TRMU: variants seen among roughly 807,000 people sequenced by gnomAD.
TRMU encodes the protein tRNA mitochondrial 2-thiouridylase.
A neutral mutation model predicts 46.9 loss-of-function variants in TRMU; 49 were observed. That is an observed-to-expected ratio of 1.05 (90% CI 0.83 to 1.33). The LOEUF (loss-of-function observed/expected upper bound fraction) is 1.33, where lower values mean the gene tolerates loss of function less well. TRMU is among the 40% of genes most tolerant of loss of function. The pLI, the probability that TRMU is intolerant of heterozygous loss-of-function variation, is 0.00. For missense variants in TRMU, 572 were observed against 532.4 expected (o/e 1.07, Z -0.73); for synonymous variants, 241 against 200.9 (o/e 1.20, Z -1.69).
chr22:46,337,486 A>G (rs976486830), intron 1 of TRMU, among the ~76,000 whole-genome samples: 6 of 152,206 alleles, frequency 3.9e-5, no homozygotes, highest in African/African-American at 1.2e-4. Flanking sequence ...AGTTTCGACT[A>G]TTCCTTCGTG....
At chr22:46,346,060 C>T (rs533999284) in intron 3 of TRMU, among the ~76,000 whole-genome samples, 9 of 152,248 alleles carry the variant, frequency 5.9e-5, no homozygotes, top group East Asian at 3.9e-4. Context: ...CATGAGCCAC[C>T]GCGCCTGGCC....
In TRMU at chr22:46,337,755, TTTAA is replaced by T; in HGVS notation, c.83-21_83-18del. 1.7e-5 allele frequency: 28 copies of T among 1,614,138 alleles called. No homozygotes were observed. The highest frequency in any genetic ancestry group is 2.3e-5 in the Non-Finnish European group (27 of 1,179,996). On this transcript the variant is annotated intron_variant, in intron 1 of 10. Transcript: ENST00000645190. ...ACCGAAGGTTGATTTATGTATTCTCTTTAATTGACCTTCCCGCCCGCAGGTTACC... is the reference window on the plus strand; with the variant it reads ...ACCGAAGGTTGATTTATGTATTCTCTTTGACCTTCCCGCCCGCAGGTTACC...
In TRMU at chr22:46,336,890, C is replaced by T. The variant is rs927918437; in HGVS notation, c.83-889C>T. On this transcript the variant is annotated intron_variant, in intron 1 of 10. Coordinates refer to ENST00000645190, the MANE Select transcript of TRMU (RefSeq NM_018006.5). The surrounding 1 kb of genome is among the most constrained non-coding windows in gnomAD (Gnocchi z 4.1). ...GACTTGGAGGTGGAGGCGGCCCTCCCGGCACAGTCAGCAGTGCAAGCAGAA... is the reference window on the plus strand; with the variant it reads ...GACTTGGAGGTGGAGGCGGCCCTCCTGGCACAGTCAGCAGTGCAAGCAGAA... Among the ~76,000 whole-genome samples, 2 of 152,008 alleles carry T rather than the reference C, an allele frequency of 1.3e-5. No individual in the cohort carries two copies. The highest frequency in any genetic ancestry group is 3.9e-4 in the East Asian group (2 of 5,182).
rs564049111 is a variant in TRMU at position 46,342,540 on chromosome 22, G to A, written c.249-722G>A. Among the ~76,000 whole-genome samples the A allele has an allele frequency of 6.6e-6, 1 of 152,352 alleles. No homozygotes were observed. The highest frequency in any genetic ancestry group is 1.5e-5 in the Non-Finnish European group (1 of 68,038). ...TCTGGGGAGGGTCTTAAGACCCACA[G>A]TCAGAAAGGTAGACGCTTGTAATCC... is the stretch of plus-strand genomic sequence containing the variant. On this transcript the variant is annotated intron_variant, in intron 2 of 10. Coordinates refer to ENST00000645190, the MANE Select transcript of TRMU (RefSeq NM_018006.5). The surrounding 1 kb of genome is among the most constrained non-coding windows in gnomAD (Gnocchi z 4.7).
At chr22:46,341,670 G>T (rs12157372) in intron 2 of TRMU, among the ~76,000 whole-genome samples, 8,800 of 152,036 alleles carry the variant, frequency 0.058, 851 homozygotes, top group African/African-American at 0.2. Flanking sequence ...CCCAAAATAG[G>T]CATCATAACC....
At position 46,350,954 on chromosome 22, in the gene TRMU, A is replaced by G. The variant is rs890083325; in HGVS notation, c.651+491A>G. On this transcript the variant is annotated intron_variant, in intron 5 of 10. Coordinates refer to ENST00000645190, the MANE Select transcript of TRMU (RefSeq NM_018006.5). The surrounding 1 kb of genome is among the most constrained non-coding windows in gnomAD (Gnocchi z 4.6). ...CGCACACAGTTCCATCTTCGCCTCC[A>G]TGGAGCCCGCCCGCGAGTGGGGGAC... Among the ~76,000 whole-genome samples the G allele has an allele frequency of 2.0e-5, 3 of 152,192 alleles. No individual in the cohort carries two copies. Among genetic ancestry groups the G allele is most frequent in the Non-Finnish European group, 2.9e-5 (2 of 68,032 alleles).
At chr22:46,341,107 C>G (rs1453195591) in intron 2 of TRMU, among the ~76,000 whole-genome samples, 3 of 152,252 alleles carry the variant, frequency 2.0e-5, no homozygotes, top group African/African-American at 7.2e-5. Flanking sequence ...CCTCCCGAGG[C>G]ACATGAAAGG....
At chr22:46,335,968 CAGG>C (rs2077963786) in intron 1 of TRMU, 122 bp downstream of exon 1, 23 of 1,479,532 alleles carry the variant, frequency 1.6e-5, no homozygotes, top group Admixed American at 2.1e-5. Flanking sequence ...CGCGGGTCGG[CAGG>C]AGGATACCCC....
rs2078016326 is a variant in TRMU at position 46,337,769 on chromosome 22, C to G, written c.83-10C>G. The G allele has an allele frequency of 6.2e-7, 1 of 1,614,178 alleles. No homozygotes were observed. The highest frequency in any genetic ancestry group is 1.3e-5 in the African/African-American group (1 of 75,042). ...TATGTATTCTCTTTAATTGACCTTC[C>G]CGCCCGCAGGTTACCAGGTGACAGG... On this transcript the variant is annotated splice_polypyrimidine_tract_variant and intron_variant, in intron 1 of 10. Transcript: ENST00000645190.
rs114581293 is a variant in TRMU, at chr22:46,339,915, C to A, written c.248+1971C>A. Among the ~76,000 whole-genome samples, 1,489 of 151,180 alleles carry A rather than the reference C, an allele frequency of 9.8e-3. 20 individuals are homozygous for A. The highest frequency in any genetic ancestry group is 0.033 in the African/African-American group (1,337 of 40,844). ...TGCATGATAAATGCATTAAAAACTT[C>A]TGCAGTTTTCTCGGGGACATAAGAA... On this transcript the variant is annotated intron_variant, in intron 2 of 10. Transcript: ENST00000645190. The surrounding 1 kb of genome is among the most constrained non-coding windows in gnomAD (Gnocchi z 4.8).
chr22:46,335,867 G>GCCCCC, intron 1 of TRMU, 21 bp downstream of exon 1: 2 of 1,528,158 alleles, frequency 1.3e-6, no homozygotes, highest in Non-Finnish European at 1.8e-6. Flanking sequence ...CGAGGCTCCC[G>GCCCCC]CCCCCCGCCG....
chr22:46,350,213 T>C lies in TRMU; in HGVS notation c.479-78T>C. 2 of 1,580,748 alleles carry C rather than the reference T, an allele frequency of 1.3e-6. No individual in the cohort carries two copies. The highest frequency in any genetic ancestry group is 1.7e-6 in the Non-Finnish European group (2 of 1,152,282). On this transcript the variant is annotated intron_variant, in intron 4 of 10. Transcript: ENST00000645190. This position sits in a 1 kb window ranked among gnomAD's most constrained non-coding sequence, Gnocchi z 4.6. ...ACAGGCTAGGGGTAGTCTGTCTAAG[T>C]GAACAGAAGGACATTGTTGAAAGTG...
At position 46,350,601 on chromosome 22, in the gene TRMU, GAT is replaced by G; in HGVS notation, c.651+139_651+140del. 1 of 1,103,208 alleles carries G rather than the reference GAT, an allele frequency of 9.1e-7. No homozygotes were observed. Among genetic ancestry groups the G allele is most frequent in the South Asian group, 1.3e-5 (1 of 77,236 alleles). 68.3% of individuals were successfully genotyped at this position (1,103,208 alleles called of 1,614,324 possible). On this transcript the variant is annotated intron_variant, in intron 5 of 10. Coordinates refer to ENST00000645190, the MANE Select transcript of TRMU (RefSeq NM_018006.5). This position sits in a 1 kb window ranked among gnomAD's most constrained non-coding sequence, Gnocchi z 4.6. ...ATCAAAGGCGGGCCTTGGAGCAATA[GAT>G]GGAGGAGTTTGCTGAGGCGCACGGT...
Position 46,349,499 on chromosome 22 carries a change from C to T in TRMU, c.479-792C>T, listed in dbSNP as rs1042022232. Among the ~76,000 whole-genome samples the T allele has an allele frequency of 1.3e-5, 2 of 152,180 alleles. No individual in the cohort carries two copies. Among genetic ancestry groups the T allele is most frequent in the African/African-American group, 2.4e-5 (1 of 41,444 alleles). On this transcript the variant is annotated intron_variant, in intron 4 of 10. Transcript: ENST00000645190. This position sits in a 1 kb window ranked among gnomAD's most constrained non-coding sequence, Gnocchi z 4.6. ...GCTGTCTGACCGTCACGGCATGTGG[C>T]GTGCTCTGAGTGTAACTCGAAAGGA...
At position 46,353,798 on chromosome 22, in the gene TRMU, A is replaced by C; in HGVS notation, c.804A>C (p.Ala268=). 6.2e-7 allele frequency: 1 copy of C among 1,613,994 alleles called. No individual in the cohort carries two copies. Among genetic ancestry groups the C allele is most frequent in the Non-Finnish European group, 8.5e-7 (1 of 1,179,888 alleles). ...GWFLYTLGQR[A]NIGGLREPWY... ...TCCTGTATACCTTGGGCCAGAGAGC[A>C]AACATAGGTGGCCTGAGAGAGCCCT... is the stretch of plus-strand genomic sequence containing the variant. Residue 268 remains alanine (A), a synonymous_variant, in exon 8 of 11, where the codon GCA becomes GCC. Coordinates refer to ENST00000645190, the MANE Select transcript of TRMU (RefSeq NM_018006.5).
rs540040260 is a variant in TRMU at position 46,339,832 on chromosome 22, C to T, written c.248+1888C>T. Among the ~76,000 whole-genome samples the T allele has an allele frequency of 6.6e-5, 10 of 151,880 alleles. No homozygotes were observed. Among genetic ancestry groups the T allele is most frequent in the African/African-American group, 2.4e-4 (10 of 41,402 alleles). ...TGGACAAAACTGATGGCTGAATTTT[C>T]CTGGGGAAAGTTACCTGTAGAATGC... On this transcript the variant is annotated intron_variant, in intron 2 of 10. Transcript: ENST00000645190. The surrounding 1 kb of genome is among the most constrained non-coding windows in gnomAD (Gnocchi z 4.8).
chr22:46,336,160 C>T lies in TRMU; in HGVS notation c.82+314C>T. 1.6e-6 allele frequency: 2 copies of T among 1,265,910 alleles called. No homozygotes were observed. The highest frequency in any genetic ancestry group is 1.7e-5 in the South Asian group (1 of 59,448). The allele number at this position is 1,265,910 out of a possible 1,614,324, so 78.4% of individuals were successfully genotyped here. ...GGGGAGGGAAGGGTTTCTCACGGAT[C>T]TGCGGCGTCCACATTCACCTGTGAG... is the stretch of plus-strand genomic sequence containing the variant. On this transcript the variant is annotated intron_variant, in intron 1 of 10. Coordinates refer to ENST00000645190, the MANE Select transcript of TRMU (RefSeq NM_018006.5). This position sits in a 1 kb window ranked among gnomAD's most constrained non-coding sequence, Gnocchi z 4.1.
At chr22:46,343,091 G>A (rs2078163602) in intron 2 of TRMU, among the ~76,000 whole-genome samples, 171 bp from the exon 3 acceptor site, 1 of 152,244 alleles carries the variant, frequency 6.6e-6, no homozygotes, top group South Asian at 2.1e-4. Context: ...GGTGGCCCAT[G>A]CAGCAGGTTA....
At chr22:46,341,979 C>T (rs1340997128) in intron 2 of TRMU, among the ~76,000 whole-genome samples, 2 of 151,952 alleles carry the variant, frequency 1.3e-5, no homozygotes, top group Admixed American at 6.6e-5. Context: ...GTTCTCATCA[C>T]GGCAGTCATC....
Sources: gnomAD v4.1 joint callset for allele counts (sites outside exome capture counted in the v4.1 genomes callset) on GRCh38, gnomAD v4.1.1 for gene constraint, Gnocchi (gnomAD v3.1) non-coding constraint, MANE v1.5 for transcripts, NCBI Gene and HGNC (gene_info 2026-07-23, HGNC 2026-07-21) for gene names.